CFAP58: variants seen among roughly 807,000 people sequenced by gnomAD.
The protein encoded by CFAP58 is cilia and flagella associated protein 58.
A neutral mutation model predicts 119.5 loss-of-function variants in CFAP58; 88 were observed. The observed-to-expected ratio is 0.74, with a 90% confidence interval of 0.62 to 0.88. CFAP58 has a LOEUF of 0.88. Among genes scored for constraint, CFAP58 ranks in the 40% least tolerant of loss-of-function variants. The pLI is 0.00. For missense variants in CFAP58, 990 were observed against 1,021.2 expected (o/e 0.97, Z 0.42); for synonymous variants, 365 against 366.3 (o/e 1.00, Z 0.04).
At chr10:104,438,353 T>G (rs1489220161) in intron 15 of CFAP58, among the ~76,000 whole-genome samples, 3 of 38,220 alleles carry the variant, frequency 7.8e-5, no homozygotes, top group African/African-American at 2.8e-4. Flanking sequence ...TTTTTGTTTT[T>G]TTTTTTTGTT....
In CFAP58 at chr10:104,364,785, C is replaced by G. The variant is rs2014720061; in HGVS notation, c.493C>G (p.Leu165Val). The change falls in exon 4 of 18, where the codon CTC (leucine) becomes GTC (valine). Residue 165 changes from leucine (L) to valine (V), a missense_variant. Physicochemically the swap from Leu to Val is conservative, Grantham distance 32 (BLOSUM62 1). Coordinates refer to ENST00000369704, the MANE Select transcript of CFAP58 (RefSeq NM_001008723.2). ...KEEVTKERDQLLSEVVKLRES... is the reference protein window; with the variant it reads ...KEEVTKERDQVLSEVVKLRES... ...AGAAGTGACAAAGGAGAGAGACCAG[C>G]TCTTATCAGAAGTGGTAAAATTACG... is the stretch of plus-strand genomic sequence containing the variant. 6.2e-7 allele frequency: 1 copy of G among 1,612,706 alleles called. No homozygotes were observed. Among genetic ancestry groups the G allele is most frequent in the Admixed American group, 1.7e-5 (1 of 59,808 alleles).
chr10:104,424,715 A>G (rs2012715171), intron 15 of CFAP58, among the ~76,000 whole-genome samples: 1 of 152,180 alleles, frequency 6.6e-6, no homozygotes, highest in Admixed American at 6.5e-5. Flanking sequence ...GGATACTGAC[A>G]ATAGGGAGTG....
intron 15 of CFAP58, among the ~76,000 whole-genome samples, chr10:104,434,763 A>T (rs951126317): frequency 6.6e-6 from 1 of 152,154 alleles, no homozygotes; most frequent in African/African-American, 2.4e-5. Context: ...TTGTGATATC[A>T]CTTGTAACTG....
intron 9 of CFAP58, among the ~76,000 whole-genome samples, chr10:104,386,802 T>G (rs762619654): frequency 6.6e-5 from 10 of 152,252 alleles, no homozygotes; most frequent in African/African-American, 9.6e-5. Context: ...ATCAAGTTAT[T>G]TTCTAACAAT....
chr10:104,406,606 A>G, intron 14 of CFAP58, 83 bp from the exon 15 acceptor site: 1 of 1,071,324 alleles, frequency 9.3e-7, no homozygotes, highest in Non-Finnish European at 1.4e-6. Context: ...AGATTTTAAT[A>G]AGACAATGTG....
chr10:104,378,626 T>G (rs1421443815), intron 8 of CFAP58, among the ~76,000 whole-genome samples: 1 of 152,192 alleles, frequency 6.6e-6, no homozygotes, highest in Non-Finnish European at 1.5e-5. Flanking sequence ...CTTCTTTCAG[T>G]GAAGATTGTC....
chr10:104,377,537 A>C (rs562124841), intron 8 of CFAP58, among the ~76,000 whole-genome samples: 8 of 152,294 alleles, frequency 5.3e-5, no homozygotes, highest in African/African-American at 1.9e-4. Context: ...TTTTAGTTAC[A>C]GGGAATTAGG....
Position 104,399,615 on chromosome 10 carries a change from C to A in CFAP58, c.1815+115C>A. On this transcript the variant is annotated intron_variant, in intron 12 of 17. Transcript: ENST00000369704. ...CTTCCAACCAGCCCTATTGGAAGAACAGCAGCAGAGACCCATCTTGTGTTG... is the reference window on the plus strand; with the variant it reads ...CTTCCAACCAGCCCTATTGGAAGAAAAGCAGCAGAGACCCATCTTGTGTTG... 1.3e-5 allele frequency: 14 copies of A among 1,090,742 alleles called. No homozygotes were observed. The South Asian group carries it at 2.0e-4, about 15-fold the overall frequency. The allele number at this position is 1,090,742 out of a possible 1,614,324, so 67.6% of individuals were successfully genotyped here.
intron 7 of CFAP58, among the ~76,000 whole-genome samples, chr10:104,372,480 C>T (rs562265948): frequency 9.2e-5 from 14 of 152,218 alleles, no homozygotes; most frequent in African/African-American, 3.4e-4. Flanking sequence ...CTTATCTCAA[C>T]AGTTTCTCTG....
intron 15 of CFAP58, among the ~76,000 whole-genome samples, chr10:104,443,766 C>T (rs1029230281): frequency 1.3e-5 from 2 of 152,168 alleles, no homozygotes; most frequent in Non-Finnish European, 2.9e-5. Context: ...AGCACTGACT[C>T]TTATTTGCAT....
chr10:104,439,734 A>G (rs1261100723), intron 15 of CFAP58, among the ~76,000 whole-genome samples: 1 of 112,222 alleles, frequency 8.9e-6, no homozygotes, highest in Non-Finnish European at 1.9e-5. Context: ...ACAACAACAT[A>G]TTTTCAAAGA....
In CFAP58 at chr10:104,362,020, T is replaced by C; in HGVS notation, c.292-3T>C. ...TCTCACTGATATCCTATGGCCCATC[T>C]AGGAAATTGAAAAGGCCTGGAAGAT... On this transcript the variant is annotated splice_polypyrimidine_tract_variant and splice_region_variant and intron_variant, in intron 2 of 17. Transcript: ENST00000369704. 6.2e-7 allele frequency: 1 copy of C among 1,612,842 alleles called. No individual in the cohort carries two copies. Among genetic ancestry groups the C allele is most frequent in the Non-Finnish European group, 8.5e-7 (1 of 1,179,512 alleles).
chr10:104,357,876 T>G (rs897731016), intron 1 of CFAP58, among the ~76,000 whole-genome samples: 2 of 113,566 alleles, frequency 1.8e-5, no homozygotes, highest in South Asian at 2.7e-4. Context: ...TACACATATA[T>G]GTACACATAT....
At chr10:104,372,563 C>G (rs1220492429) in intron 7 of CFAP58, among the ~76,000 whole-genome samples, 1 of 152,114 alleles carries the variant, frequency 6.6e-6, no homozygotes, top group Admixed American at 6.5e-5. Context: ...TGGAGGACCT[C>G]CATGGGGTTA....
At chr10:104,445,346 C>A (rs1172524770) in intron 15 of CFAP58, among the ~76,000 whole-genome samples, 6 of 148,478 alleles carry the variant, frequency 4.0e-5, no homozygotes, top group South Asian at 2.2e-4. Flanking sequence ...ACAACAACAA[C>A]AACAAAAAAC....
intron 1 of CFAP58, 56 bp downstream of exon 1, chr10:104,353,962 C>T (rs1309948634): frequency 1.9e-6 from 3 of 1,592,004 alleles, no homozygotes; most frequent in East Asian, 2.2e-5. Flanking sequence ...CATTGTCCCT[C>T]TCCTACTGAC....
At chr10:104,406,954 T>C (rs1321268982) in intron 15 of CFAP58, among the ~76,000 whole-genome samples, 161 bp downstream of exon 15, 3 of 152,216 alleles carry the variant, frequency 2.0e-5, no homozygotes, top group Non-Finnish European at 4.4e-5. Flanking sequence ...GCCTGATTAA[T>C]TGGTCTTTTA....
intron 10 of CFAP58, 144 bp downstream of exon 10, chr10:104,392,538 C>A: frequency 1.9e-6 from 1 of 524,018 alleles, no homozygotes; most frequent in Non-Finnish European, 3.2e-6. Flanking sequence ...TTACGCAAAA[C>A]TGTCAGGTTA....
intron 7 of CFAP58, 25 bp from the exon 8 acceptor site, chr10:104,376,786 T>C (rs773190660): frequency 1.9e-6 from 3 of 1,592,272 alleles, no homozygotes; most frequent in African/African-American, 1.3e-5. Context: ...ACGTTTATTA[T>C]TATTTTTTCT....
Sources: allele counts gnomAD v4.1 joint callset (sites outside exome capture counted in the v4.1 genomes callset), GRCh38; gene constraint gnomAD v4.1.1; transcripts MANE v1.5; gene names NCBI Gene and HGNC (gene_info 2026-07-23, HGNC 2026-07-21).